Variants in EXT1 observed in about 807,000 individuals in gnomAD.
EXT1 encodes exostosin glycosyltransferase 1.
In EXT1, 20 loss-of-function variants were observed where a neutral mutation model predicts 82.5. The observed-to-expected ratio is 0.24, with a 90% confidence interval of 0.17 to 0.35. The LOEUF is 0.35. Among genes scored for constraint, EXT1 ranks in the 10% least tolerant of loss-of-function variants. The probability of loss-of-function intolerance (pLI) is 1.00; values close to 1 mark genes in which losing one functional copy is unlikely to be tolerated. For synonymous variants in EXT1, 348 were observed against 350.8 expected, an observed-to-expected ratio of 0.99 and a Z score of 0.09; for missense variants, 757 against 936.5, an observed-to-expected ratio of 0.81 and a Z score of 2.50.
intron 1 of EXT1, among the ~76,000 whole-genome samples, chr8:118,004,525 C>T (rs1176409509): frequency 6.6e-6 from 1 of 152,190 alleles, no homozygotes; most frequent in Non-Finnish European, 1.5e-5. Context: ...CTCTCAGCCA[C>T]GAAAGGGAGG....
intron 1 of EXT1, among the ~76,000 whole-genome samples, chr8:118,060,963 G>T (rs1163822683): frequency 6.6e-6 from 1 of 152,178 alleles, no homozygotes; most frequent in African/African-American, 2.4e-5. Flanking sequence ...AACAGAAATG[G>T]TTGCACAATG....
At chr8:117,982,751 C>T (rs887721480) in intron 1 of EXT1, among the ~76,000 whole-genome samples, 3 of 152,172 alleles carry the variant, frequency 2.0e-5, no homozygotes, top group African/African-American at 7.2e-5. Context: ...CTCAGCCTCC[C>T]AAAGTGCTGG....
intron 1 of EXT1, among the ~76,000 whole-genome samples, chr8:118,002,956 T>C (rs1056693537): frequency 3.9e-5 from 6 of 152,034 alleles, no homozygotes; most frequent in East Asian, 1.9e-4. Flanking sequence ...CAATTCCCAA[T>C]TGCAAAAATA....
At chr8:117,966,107 C>T (rs1490685784) in intron 1 of EXT1, among the ~76,000 whole-genome samples, 1 of 151,826 alleles carries the variant, frequency 6.6e-6, no homozygotes, top group Non-Finnish European at 1.5e-5. Flanking sequence ...TAATTATTTC[C>T]CAAAAGTAAA....
At chr8:118,099,444 C>T (rs907198554) in intron 1 of EXT1, among the ~76,000 whole-genome samples, 10 of 152,194 alleles carry the variant, frequency 6.6e-5, no homozygotes, top group Non-Finnish European at 1.2e-4. Context: ...AATTGTCTAA[C>T]GTAAGATTAA....
intron 1 of EXT1, among the ~76,000 whole-genome samples, chr8:118,005,778 T>C (rs17476338): frequency 0.02 from 2,998 of 152,286 alleles, 118 homozygotes; most frequent in African/African-American, 0.069. Context: ...AACTCTGCAA[T>C]GGGAAAAGGA....
At chr8:117,941,250 G>A (rs779341773) in intron 1 of EXT1, among the ~76,000 whole-genome samples, 2 of 152,158 alleles carry the variant, frequency 1.3e-5, no homozygotes, top group Non-Finnish European at 2.9e-5. Flanking sequence ...ATGAATGCCG[G>A]CAGCTCTACC....
chr8:117,828,183 A>C (rs1812038866), intron 4 of EXT1, among the ~76,000 whole-genome samples: 1 of 152,068 alleles, frequency 6.6e-6, no homozygotes, highest in Admixed American at 6.6e-5. Context: ...GTTTGTGGGG[A>C]TATATATATC....
intron 1 of EXT1, among the ~76,000 whole-genome samples, chr8:117,920,144 A>T (rs569021688): frequency 8.5e-5 from 13 of 152,198 alleles, no homozygotes; most frequent in Non-Finnish European, 1.8e-4. Flanking sequence ...TCAATCTGTC[A>T]CCCAGGCTGG....
chr8:117,999,799 C>T (rs1376200566), intron 1 of EXT1, among the ~76,000 whole-genome samples: 2 of 151,996 alleles, frequency 1.3e-5, no homozygotes, highest in Admixed American at 6.6e-5. Flanking sequence ...TCTTTTTACA[C>T]CTAGAAAGAA....
chr8:118,088,080 C>T (rs1156971890), intron 1 of EXT1, among the ~76,000 whole-genome samples: 2 of 152,092 alleles, frequency 1.3e-5, no homozygotes, highest in African/African-American at 4.8e-5. Flanking sequence ...ACAGCAACTG[C>T]TGAATCCCCC....
intron 1 of EXT1, among the ~76,000 whole-genome samples, chr8:117,838,217 A>G (rs112709838): frequency 0.015 from 2,324 of 152,288 alleles, 73 homozygotes; most frequent in African/African-American, 0.053. Flanking sequence ...AGAGCTTCCA[A>G]TGCTGAGCAG....
At chr8:117,837,336 T>A in intron 1 of EXT1, 135 bp from the exon 2 acceptor site, 1 of 735,298 alleles carries the variant, frequency 1.4e-6, no homozygotes, top group East Asian at 2.6e-5. Flanking sequence ...GCTCTCACTT[T>A]TCCATTTTGA....
chr8:117,879,066 T>C (rs927472372), intron 1 of EXT1, among the ~76,000 whole-genome samples: 1 of 152,198 alleles, frequency 6.6e-6, no homozygotes, highest in African/African-American at 2.4e-5. Context: ...TCTCATTTCA[T>C]TGGCCAAAGC....
At chr8:118,075,183 T>C (rs1388805844) in intron 1 of EXT1, among the ~76,000 whole-genome samples, 7 of 152,238 alleles carry the variant, frequency 4.6e-5, no homozygotes, top group Admixed American at 2.6e-4. Flanking sequence ...AAGGAATCTT[T>C]GGGCAAGTGC....
intron 1 of EXT1, among the ~76,000 whole-genome samples, chr8:118,109,620 TC>T (rs1451769591): frequency 6.6e-6 from 1 of 151,856 alleles, no homozygotes; most frequent in African/African-American, 2.4e-5. Context: ...TTGGGAAAAC[TC>T]CTGGGAAAGT....
At chr8:117,994,663 T>A (rs1158720085) in intron 1 of EXT1, among the ~76,000 whole-genome samples, 1 of 152,110 alleles carries the variant, frequency 6.6e-6, no homozygotes, top group Non-Finnish European at 1.5e-5. Context: ...TTAAAAGAAA[T>A]GACCAAGCCA....
At position 118,111,042 on chromosome 8, in the gene EXT1, T is replaced by C. The variant is rs2130046144; in HGVS notation, c.5A>G (p.Gln2Arg). The change falls in exon 1 of 11, where the codon CAG becomes CGG. Residue 2 changes from glutamine to arginine, a missense_variant. Physicochemically the swap from Gln to Arg is conservative, Grantham distance 43 (BLOSUM62 1). Transcript: ENST00000378204. ...CAGGATGAAATAGCGTTTTTTGGCC[T>C]GCATGTGTCCTGCCTGGGTCAAGAG... M[Q>R]AKKRYFILLS... 1.3e-6 allele frequency: 2 copies of C among 1,594,438 alleles called. No individual in the cohort carries two copies. The highest frequency in any genetic ancestry group is 1.1e-5 in the South Asian group (1 of 90,208).
intron 1 of EXT1, among the ~76,000 whole-genome samples, chr8:118,083,458 C>A (rs1213626476): frequency 6.6e-6 from 1 of 152,182 alleles, no homozygotes; most frequent in African/African-American, 2.4e-5. Flanking sequence ...TTCAGGTTGT[C>A]AAGGCCAGCC....
Sources: allele counts gnomAD v4.1 joint callset (sites outside exome capture counted in the v4.1 genomes callset), GRCh38; gene constraint gnomAD v4.1.1; transcripts MANE v1.5; gene names NCBI Gene and HGNC (gene_info 2026-07-23, HGNC 2026-07-21).